The following OPRM1 variants were observed in gnomAD, a reference collection of about 807,000 sequenced individuals.
OPRM1 encodes mu-type opioid receptor.
In OPRM1, 27 loss-of-function variants were observed where a neutral mutation model predicts 31.8. The ratio of observed to expected loss-of-function variants is 0.85; its 90% CI spans 0.63 to 1.17. The LOEUF is 1.17. Ranked by LOEUF, OPRM1 falls within the 50% of genes most tolerant of loss-of-function variation. OPRM1 has a pLI of 0.00. For missense variants in OPRM1, 536 were observed against 511.1 expected, an observed-to-expected ratio of 1.05 and a Z score of -0.47; for synonymous variants, 196 against 189.9, an observed-to-expected ratio of 1.03 and a Z score of -0.26.
chr6:154,068,927 A>C (rs1471476614), intron 1 of OPRM1, among the ~76,000 whole-genome samples: 1 of 152,086 alleles, frequency 6.6e-6, no homozygotes, highest in Non-Finnish European at 1.5e-5. Context: ...ATCTCATTGT[A>C]GTTTTGACTC....
rs189061517 is a variant in OPRM1, at chr6:154,195,111, C to T, written c.1165-51582C>T. Among the ~76,000 whole-genome samples, 21 of 151,776 alleles carry T rather than the reference C, an allele frequency of 1.4e-4. No homozygotes were observed. In the East Asian group the frequency reaches 4.1e-3, roughly 29 times the overall value. On this transcript the variant is annotated intron_variant, in intron 3 of 3. Coordinates refer to the OPRM1 transcript ENST00000337049. The stretch of plus-strand genomic sequence containing the variant: ...CTGTCTCCTCTTATTCTCTTCTTCC[C>T]TGCACTCTACAGCTAAAATAATTTT...
At chr6:154,149,472 T>G in intron 3 of OPRM1, among the ~76,000 whole-genome samples, 1 of 152,126 alleles carries the variant, frequency 6.6e-6, no homozygotes, top group East Asian at 1.9e-4. Context: ...TCACATGGTG[T>G]TGTTAAAATC....
intron 3 of OPRM1, chr6:154,107,448 A>T (rs931446390): frequency 2.1e-5 from 15 of 718,404 alleles, no homozygotes; most frequent in Non-Finnish European, 3.1e-5. Context: ...TTAAACCAGA[A>T]GTGACTTACT....
intron 3 of OPRM1, among the ~76,000 whole-genome samples, chr6:154,231,246 A>G (rs1348338192): frequency 6.6e-6 from 1 of 152,234 alleles, no homozygotes; most frequent in African/African-American, 2.4e-5. Flanking sequence ...AAAAGTTAGG[A>G]TAAAATTCAC....
chr6:154,058,645 C>T (rs1276811817), intron 1 of OPRM1, among the ~76,000 whole-genome samples: 1 of 152,034 alleles, frequency 6.6e-6, no homozygotes, highest in Non-Finnish European at 1.5e-5. Flanking sequence ...TAGCAATGTG[C>T]CTTGGAGAAT....
intron 3 of OPRM1, among the ~76,000 whole-genome samples, chr6:154,209,117 A>G (rs1777747375): frequency 6.6e-6 from 1 of 152,218 alleles, no homozygotes; most frequent in African/African-American, 2.4e-5. Flanking sequence ...TTGACTCTAT[A>G]GCAATTAGAA....
chr6:154,202,637 C>A (rs1419563080), intron 3 of OPRM1, among the ~76,000 whole-genome samples: 1 of 152,142 alleles, frequency 6.6e-6, no homozygotes, highest in Non-Finnish European at 1.5e-5. Flanking sequence ...GAACAACAGA[C>A]CATGTACACA....
intron 1 of OPRM1, among the ~76,000 whole-genome samples, chr6:154,052,814 T>A (rs1303977000): frequency 6.6e-6 from 1 of 152,216 alleles, no homozygotes; most frequent in Non-Finnish European, 1.5e-5. Context: ...TGTATATTTA[T>A]GGGGTATGTA....
intron 3 of OPRM1, chr6:154,199,919 T>G: frequency 1.2e-6 from 2 of 1,614,240 alleles, no homozygotes; most frequent in East Asian, 4.5e-5. Flanking sequence ...AGGCAAGGAT[T>G]GTCTCTCTTT....
intron 3 of OPRM1, among the ~76,000 whole-genome samples, chr6:154,200,442 T>C (rs1487890726): frequency 1.3e-5 from 2 of 152,200 alleles, no homozygotes; most frequent in Non-Finnish European, 2.9e-5. Context: ...AAGGAGAGGC[T>C]GGGTGCGATG....
chr6:154,105,342 T>A (rs1795422373), intron 3 of OPRM1, among the ~76,000 whole-genome samples: 1 of 152,244 alleles, frequency 6.6e-6, no homozygotes, highest in African/African-American at 2.4e-5. Flanking sequence ...AGCAATGTTC[T>A]AAGCAAAGTT....
In OPRM1 at chr6:154,091,434, C is replaced by T. The variant is rs200206841; in HGVS notation, c.1126C>T (p.Pro376Ser). ...AATTCGTCAGAACACTAGAGACCAC[C>T]CCTCCACGGCCAATACAGTGGATAG... ...TRIRQNTRDH[P>S]STANTVDRTN... The change falls in exon 3 of 4, where the codon CCC (proline) becomes TCC (serine). Residue 376 changes from proline (P) to serine (S), a missense_variant. Physicochemically the swap from Pro to Ser is moderately conservative, Grantham distance 74. Coordinates refer to ENST00000330432, the MANE Select transcript of OPRM1 (RefSeq NM_000914.5). The T allele has an allele frequency of 2.9e-4, 468 of 1,613,518 alleles. No homozygotes were observed. Among genetic ancestry groups the T allele is most frequent in the Non-Finnish European group, 3.8e-4 (452 of 1,180,024 alleles).
At chr6:154,243,961 C>T (rs921322703) in intron 3 of OPRM1, among the ~76,000 whole-genome samples, 2 of 152,172 alleles carry the variant, frequency 1.3e-5, no homozygotes, top group East Asian at 3.9e-4. Flanking sequence ...CACTAAGTAA[C>T]AGGTGGCTCT....
chr6:154,164,550 C>G (rs187484757), intron 3 of OPRM1, among the ~76,000 whole-genome samples: 2 of 152,198 alleles, frequency 1.3e-5, no homozygotes, highest in Non-Finnish European at 2.9e-5. Context: ...TCACAACATC[C>G]GCTCTGCTTT....
At chr6:154,059,089 A>G (rs1215020726) in intron 1 of OPRM1, among the ~76,000 whole-genome samples, 1 of 152,140 alleles carries the variant, frequency 6.6e-6, no homozygotes, top group Non-Finnish European at 1.5e-5. Flanking sequence ...TAGCTTTTAT[A>G]TCTTACTTTC....
intron 3 of OPRM1, among the ~76,000 whole-genome samples, chr6:154,177,406 A>G (rs1233956473): frequency 6.6e-6 from 1 of 151,624 alleles, no homozygotes; most frequent in Non-Finnish European, 1.5e-5. Flanking sequence ...AAGGGCTAAT[A>G]TCCAGAATCT....
chr6:154,230,190 A>G (rs1264958055), intron 3 of OPRM1, among the ~76,000 whole-genome samples: 3 of 152,220 alleles, frequency 2.0e-5, no homozygotes, highest in Non-Finnish European at 4.4e-5. Context: ...AAATTTGAAT[A>G]GGGTGAACTT....
chr6:154,179,001 A>G (rs535112882), intron 3 of OPRM1, among the ~76,000 whole-genome samples: 1 of 152,354 alleles, frequency 6.6e-6, no homozygotes, highest in South Asian at 2.1e-4. Context: ...GGTCTACAAC[A>G]TATCACTAAA....
intron 3 of OPRM1, among the ~76,000 whole-genome samples, chr6:154,228,849 C>A (rs1284060850): frequency 6.6e-6 from 1 of 152,202 alleles, no homozygotes; most frequent in Non-Finnish European, 1.5e-5. Flanking sequence ...GATGGTGCCA[C>A]TTGCACTCCA....
Sources: gnomAD v4.1 joint callset for allele counts (sites outside exome capture counted in the v4.1 genomes callset) on GRCh38, gnomAD v4.1.1 for gene constraint, MANE v1.5 for transcripts, NCBI Gene and HGNC (gene_info 2026-07-23, HGNC 2026-07-21) for gene names.